MYO1D: variants seen among roughly 807,000 people sequenced by gnomAD.
The protein encoded by MYO1D is unconventional myosin-Id.
In MYO1D, 83 loss-of-function variants were observed where a neutral mutation model predicts 122.0. The ratio of observed to expected loss-of-function variants is 0.68; its 90% CI spans 0.57 to 0.82. The LOEUF (loss-of-function observed/expected upper bound fraction) is 0.82. MYO1D is among the 40% of genes least tolerant of loss of function. MYO1D has a pLI of 0.00. For synonymous variants in MYO1D, 464 were observed against 446.9 expected (o/e 1.04, Z -0.48); for missense variants, 1,157 against 1,269.5 (o/e 0.91, Z 1.35).
chr17:32,530,249 A>G (rs1910467328), intron 21 of MYO1D, among the ~76,000 whole-genome samples: 1 of 152,248 alleles, frequency 6.6e-6, no homozygotes, highest in African/African-American at 2.4e-5. Context: ...TTGTCCATCT[A>G]TAAAATAGGC....
Position 32,666,119 on chromosome 17 carries a change from G to A in MYO1D, c.2122-6781C>T, listed in dbSNP as rs149619425. 2.0e-5 allele frequency among the ~76,000 whole-genome samples: 3 copies of A among 152,210 alleles called. No homozygotes were observed. The East Asian group carries it at 5.8e-4, about 29-fold the overall frequency. On this transcript the variant is annotated intron_variant, in intron 16 of 21. Transcript: ENST00000318217. ...CTGAGGTAGTCCCTTAGCTTTGTGTGGTCTGGGGAGAGACCTAGTGTCTAA... is the reference window on the plus strand; with the variant it reads ...CTGAGGTAGTCCCTTAGCTTTGTGTAGTCTGGGGAGAGACCTAGTGTCTAA...
chr17:32,706,757 C>T (rs527571551), intron 16 of MYO1D, among the ~76,000 whole-genome samples: 3 of 151,986 alleles, frequency 2.0e-5, no homozygotes, highest in Admixed American at 1.3e-4. Context: ...AGTGTAGTGG[C>T]GCGATCTCAG....
chr17:32,563,180 C>T (rs1242723846), intron 21 of MYO1D, among the ~76,000 whole-genome samples: 2 of 146,900 alleles, frequency 1.4e-5, no homozygotes, highest in Non-Finnish European at 3.0e-5. Context: ...GTTTTCTTTG[C>T]AATTACAGCT....
intron 14 of MYO1D, among the ~76,000 whole-genome samples, chr17:32,732,616 C>CT (rs1425437864): frequency 6.6e-6 from 1 of 152,232 alleles, no homozygotes; most frequent in Non-Finnish European, 1.5e-5. Context: ...AGATTCTCCT[C>CT]TGAGCTGTTC....
At chr17:32,554,186 TCCCTGC>T (rs149083081) in intron 21 of MYO1D, among the ~76,000 whole-genome samples, 21 of 151,958 alleles carry the variant, frequency 1.4e-4, no homozygotes, top group African/African-American at 2.9e-4. Flanking sequence ...GAGCTGAGAG[TCCCTGC>T]CCCTGCCCCT....
At chr17:32,663,736 G>A (rs1318117927) in intron 16 of MYO1D, among the ~76,000 whole-genome samples, 1 of 152,216 alleles carries the variant, frequency 6.6e-6, no homozygotes, top group Non-Finnish European at 1.5e-5. Context: ...GGTCCCCGAT[G>A]AAGGTGTGGG....
At chr17:32,649,998 G>A (rs1268163731) in intron 19 of MYO1D, among the ~76,000 whole-genome samples, 1 of 152,206 alleles carries the variant, frequency 6.6e-6, no homozygotes, top group Non-Finnish European at 1.5e-5. Flanking sequence ...AGACATTTAA[G>A]TAAGAAAAGA....
At chr17:32,783,549 A>G (rs527847060) in intron 1 of MYO1D, among the ~76,000 whole-genome samples, 2 of 152,326 alleles carry the variant, frequency 1.3e-5, no homozygotes, top group East Asian at 1.9e-4. Flanking sequence ...ATGCATAACT[A>G]TTAACTCAAA....
chr17:32,820,845 A>G (rs765383593), intron 1 of MYO1D, among the ~76,000 whole-genome samples: 2 of 152,220 alleles, frequency 1.3e-5, no homozygotes, highest in Admixed American at 6.5e-5. Context: ...TTAAGTATAT[A>G]TATTTTTTCT....
In MYO1D at chr17:32,659,196, T is replaced by C. The variant is rs768318908; in HGVS notation, c.2264A>G (p.Asp755Gly). ...RRFHGVKTMR[D>G]YGKHVKWPSP... ...TGGCCACTTCACGTGCTTCCCGTAG[T>C]CTCGCATGGTCTTGACGCCATGGAA... The change falls in exon 17 of 22, where the codon GAC becomes GGC. Residue 755 changes from aspartate (D) to glycine (G), a missense_variant. Transcript: ENST00000318217. 3.7e-6 allele frequency: 6 copies of C among 1,614,112 alleles called. No individual in the cohort carries two copies. The African/African-American group carries it at 5.3e-5, about 14-fold the overall frequency.
At chr17:32,762,320 T>A (rs2090009684) in intron 8 of MYO1D, among the ~76,000 whole-genome samples, 1 of 151,852 alleles carries the variant, frequency 6.6e-6, no homozygotes, top group South Asian at 2.1e-4. Context: ...GTGGGAGAGG[T>A]GGGCTGGAGC....
intron 1 of MYO1D, 107 bp from the exon 2 acceptor site, chr17:32,780,891 G>T: frequency 9.0e-7 from 1 of 1,111,668 alleles, no homozygotes; most frequent in South Asian, 1.4e-5. Flanking sequence ...TCCTAGGAAT[G>T]ATTTCTGAAC....
chr17:32,570,363 T>TA (rs1003857183), intron 21 of MYO1D, among the ~76,000 whole-genome samples: 2 of 151,654 alleles, frequency 1.3e-5, no homozygotes, highest in African/African-American at 4.8e-5. Flanking sequence ...GTTACCACAT[T>TA]AAAAAAAATT....
intron 19 of MYO1D, 47 bp from the exon 20 acceptor site, chr17:32,638,882 A>G: frequency 3.0e-6 from 4 of 1,322,080 alleles, no homozygotes; most frequent in Non-Finnish European, 4.4e-6. Context: ...TCAATAAGGA[A>G]ATCAAGTTGG....
chr17:32,584,790 C>T (rs961050532), intron 21 of MYO1D, among the ~76,000 whole-genome samples: 4 of 152,160 alleles, frequency 2.6e-5, no homozygotes, highest in Non-Finnish European at 5.9e-5. Context: ...TGGCCCAGAA[C>T]TTTTTCATCT....
chr17:32,674,112 TGA>T (rs1247829508), intron 16 of MYO1D, among the ~76,000 whole-genome samples: 2 of 152,194 alleles, frequency 1.3e-5, no homozygotes, highest in Non-Finnish European at 2.9e-5. Flanking sequence ...AACTCCAAAG[TGA>T]GGCTGTTTCA....
chr17:32,861,342 A>G (rs2151087627), intron 1 of MYO1D, among the ~76,000 whole-genome samples: 1 of 152,262 alleles, frequency 6.6e-6, no homozygotes, highest in South Asian at 2.1e-4. Context: ...CTAGGATTAC[A>G]GGTGTGAGCC....
intron 19 of MYO1D, among the ~76,000 whole-genome samples, chr17:32,648,820 A>G (rs1028052890): frequency 3.3e-5 from 5 of 152,030 alleles, no homozygotes; most frequent in Admixed American, 2.0e-4. Flanking sequence ...ATCATTTTCA[A>G]TTTGTTTTCT....
At chr17:32,674,386 A>C (rs1206863420) in intron 16 of MYO1D, among the ~76,000 whole-genome samples, 1 of 152,222 alleles carries the variant, frequency 6.6e-6, no homozygotes, top group Non-Finnish European at 1.5e-5. Context: ...TTTCTGTTCC[A>C]AAGTAGACAT....
Sources: gnomAD v4.1 joint callset for allele counts (sites outside exome capture counted in the v4.1 genomes callset) on GRCh38, gnomAD v4.1.1 for gene constraint, MANE v1.5 for transcripts, NCBI Gene and HGNC (gene_info 2026-07-23, HGNC 2026-07-21) for gene names.